The following COL5A2 variants were observed in gnomAD, a reference collection of about 807,000 sequenced individuals.
The protein encoded by COL5A2 is collagen type V alpha 2 chain.
COL5A2 carries 23 observed loss-of-function variants against 208.2 expected under a neutral mutation model. The ratio of observed to expected loss-of-function variants is 0.11; its 90% CI spans 0.08 to 0.16. The LOEUF (loss-of-function observed/expected upper bound fraction) is 0.16. Ranked by LOEUF, COL5A2 falls within the 10% of genes least tolerant of loss-of-function variation. The pLI is 1.00. For synonymous variants in COL5A2, 625 were observed against 628.5 expected, an observed-to-expected ratio of 0.99 and a Z score of 0.08; for missense variants, 1,590 against 1,956.4, an observed-to-expected ratio of 0.81 and a Z score of 3.53.
chr2:189,342,209 T>TG, the COL5A2 span, among the ~76,000 whole-genome samples: 8 of 150,804 alleles, frequency 5.3e-5, no homozygotes, highest in African/African-American at 1.9e-4. Context: ...TTTTTTTTTT[T>TG]TTGGAGACTT....
At chr2:189,071,985 G>A in intron 18 of COL5A2, 55 bp downstream of exon 18, 1 of 1,147,686 alleles carries the variant, frequency 8.7e-7, no homozygotes, top group South Asian at 1.3e-5. Context: ...TCTTCACTTT[G>A]GGACTCATGT....
chr2:189,098,977 C>G (rs1005875028), intron 4 of COL5A2, among the ~76,000 whole-genome samples: 1 of 152,010 alleles, frequency 6.6e-6, no homozygotes, highest in African/African-American at 2.4e-5. Context: ...TAAAGAGCAC[C>G]AACACTGGAG....
chr2:189,262,848 AAGT>A, the COL5A2 span, among the ~76,000 whole-genome samples: 2 of 152,272 alleles, frequency 1.3e-5, no homozygotes, highest in East Asian at 1.9e-4. Flanking sequence ...GATTTATAAT[AAGT>A]AGGACAATAT....
At chr2:189,138,154 T>C (rs1446622912) in intron 1 of COL5A2, among the ~76,000 whole-genome samples, 2 of 152,090 alleles carry the variant, frequency 1.3e-5, no homozygotes, top group East Asian at 3.9e-4. Context: ...TTTGTATTTT[T>C]TAGTAGAGAC....
the COL5A2 span, among the ~76,000 whole-genome samples, chr2:189,274,486 C>A: frequency 5.3e-5 from 8 of 152,122 alleles, no homozygotes; most frequent in Admixed American, 6.6e-5. Context: ...TGGCATCCTC[C>A]TCACAGCCTG....
chr2:189,392,430 A>T, the COL5A2 span, among the ~76,000 whole-genome samples: 9 of 152,208 alleles, frequency 5.9e-5, no homozygotes, highest in African/African-American at 2.2e-4. Flanking sequence ...TCAAATGATT[A>T]TCTGTCCCTT....
chr2:189,418,553 G>A, the COL5A2 span, among the ~76,000 whole-genome samples: 1 of 152,150 alleles, frequency 6.6e-6, no homozygotes, highest in East Asian at 1.9e-4. Context: ...GAGTCACTAG[G>A]CCCTTGTAAG....
the COL5A2 span, among the ~76,000 whole-genome samples, chr2:189,251,842 A>C: frequency 6.6e-6 from 1 of 152,188 alleles, no homozygotes; most frequent in Non-Finnish European, 1.5e-5. Context: ...AATGGGAGAA[A>C]AATTTTGCAA....
At chr2:189,211,583 C>T (rs569192818) in intron 1 of COL5A2, among the ~76,000 whole-genome samples, 1 of 151,764 alleles carries the variant, frequency 6.6e-6, no homozygotes, top group Non-Finnish European at 1.5e-5. Flanking sequence ...ACAGACAGTC[C>T]ATATATTTAA....
intron 8 of COL5A2, among the ~76,000 whole-genome samples, chr2:189,088,421 T>C (rs1686711207): frequency 6.6e-6 from 1 of 152,246 alleles, no homozygotes. Context: ...TGTGGTTATA[T>C]GTCTTAAACT....
chr2:189,415,629 TA>T, the COL5A2 span, among the ~76,000 whole-genome samples: 1 of 152,202 alleles, frequency 6.6e-6, no homozygotes, highest in Non-Finnish European at 1.5e-5. Context: ...AACATGTCCA[TA>T]AAATATCTTC....
At chr2:189,066,352 T>G (rs766436980) in intron 23 of COL5A2, 38 bp downstream of exon 23, 1 of 1,544,474 alleles carries the variant, frequency 6.5e-7, no homozygotes, top group Non-Finnish European at 9.0e-7. Flanking sequence ...CATAATTCCC[T>G]CACAACTGTA....
chr2:189,051,202 A>T, intron 42 of COL5A2, 118 bp downstream of exon 42: 1 of 1,316,910 alleles, frequency 7.6e-7, no homozygotes, highest in Non-Finnish European at 1.1e-6. Flanking sequence ...TGCACTTTAA[A>T]AATTTTAGGA....
the COL5A2 span, among the ~76,000 whole-genome samples, chr2:189,424,991 A>C: frequency 6.6e-6 from 1 of 152,182 alleles, no homozygotes; most frequent in African/African-American, 2.4e-5. Context: ...ATAGCCCAGA[A>C]ATAAATCTGC....
chr2:189,255,643 T>A, the COL5A2 span, among the ~76,000 whole-genome samples: 1 of 152,204 alleles, frequency 6.6e-6, no homozygotes, highest in Non-Finnish European at 1.5e-5. Flanking sequence ...TAATTAACTT[T>A]ACTATAGGTT....
At chr2:189,357,705 C>A in the COL5A2 span, among the ~76,000 whole-genome samples, 1 of 147,832 alleles carries the variant, frequency 6.8e-6, no homozygotes, top group Non-Finnish European at 1.5e-5. Context: ...GCTTCAGCCC[C>A]CTTTCCCAGG....
chr2:189,376,049 A>C, the COL5A2 span, among the ~76,000 whole-genome samples: 1 of 152,242 alleles, frequency 6.6e-6, no homozygotes, highest in African/African-American at 2.4e-5. Context: ...GTGTGTAAGC[A>C]AACACTGTCT....
At chr2:189,088,139 A>G (rs1228942755) in intron 8 of COL5A2, among the ~76,000 whole-genome samples, 1 of 152,200 alleles carries the variant, frequency 6.6e-6, no homozygotes, top group African/African-American at 2.4e-5. Context: ...TAATTTATTC[A>G]ATAAAATTGG....
intron 1 of COL5A2, among the ~76,000 whole-genome samples, chr2:189,166,049 A>AG (rs1433964878): frequency 3.1e-5 from 3 of 95,938 alleles, no homozygotes; most frequent in Non-Finnish European, 8.2e-5. Flanking sequence ...TACTTTTCCA[A>AG]ATTTTTTGAA....
Sources: gnomAD v4.1 joint callset for allele counts (sites outside exome capture counted in the v4.1 genomes callset) on GRCh38, gnomAD v4.1.1 for gene constraint, MANE v1.5 for transcripts, NCBI Gene and HGNC (gene_info 2026-07-23, HGNC 2026-07-21) for gene names.